CTNNA3: variants seen among roughly 807,000 people sequenced by gnomAD.
CTNNA3 encodes the protein catenin alpha 3.
CTNNA3 carries 76 observed loss-of-function variants against 95.7 expected under a neutral mutation model. The observed-to-expected ratio is 0.79, with a 90% CI of 0.66 to 0.96. CTNNA3 has a LOEUF of 0.96. Among genes scored for constraint, CTNNA3 ranks in the 40% least tolerant of loss-of-function variants. The pLI is 0.00. For missense variants in CTNNA3, 1,191 were observed against 1,089.8 expected, an observed-to-expected ratio of 1.09 and a Z score of -1.31; for synonymous variants, 431 against 374.4, an observed-to-expected ratio of 1.15 and a Z score of -1.74.
chr10:66,303,589 A>T (rs549083670), intron 12 of CTNNA3, among the ~76,000 whole-genome samples: 1 of 152,302 alleles, frequency 6.6e-6, no homozygotes, highest in South Asian at 2.1e-4. Flanking sequence ...TCTTATCTCA[A>T]TATACAAAAA....
At chr10:66,937,064 T>C (rs1486204567) in intron 7 of CTNNA3, among the ~76,000 whole-genome samples, 1 of 152,142 alleles carries the variant, frequency 6.6e-6, no homozygotes, top group East Asian at 1.9e-4. Flanking sequence ...TAATCCATGT[T>C]TCATTCAATA....
intron 16 of CTNNA3, among the ~76,000 whole-genome samples, chr10:65,973,384 C>G (rs1036587217): frequency 6.6e-6 from 1 of 152,052 alleles, no homozygotes; most frequent in Non-Finnish European, 1.5e-5. Flanking sequence ...TGCATAGCAA[C>G]AAACTATCAA....
At chr10:66,026,933 C>A (rs183329744) in intron 15 of CTNNA3, among the ~76,000 whole-genome samples, 51 of 152,110 alleles carry the variant, frequency 3.4e-4, no homozygotes, top group Non-Finnish European at 6.2e-4. Flanking sequence ...ATTAGCATTT[C>A]TAGGGGTTAT....
intron 5 of CTNNA3, among the ~76,000 whole-genome samples, chr10:67,415,093 G>A (rs1327386424): frequency 6.6e-6 from 1 of 152,112 alleles, no homozygotes; most frequent in Non-Finnish European, 1.5e-5. Context: ...TTGAGAACTA[G>A]AACAAGACAA....
At chr10:66,301,775 A>G (rs756631476) in intron 12 of CTNNA3, among the ~76,000 whole-genome samples, 11 of 152,048 alleles carry the variant, frequency 7.2e-5, no homozygotes, top group Non-Finnish European at 1.6e-4. Context: ...CTTAATGGAG[A>G]CAAACTAGAT....
chr10:67,452,948 C>T (rs1035002180), intron 5 of CTNNA3, among the ~76,000 whole-genome samples: 1 of 152,192 alleles, frequency 6.6e-6, no homozygotes, highest in Non-Finnish European at 1.5e-5. Context: ...AACTGGTGAA[C>T]ACAACTTGGC....
At chr10:66,282,579 A>G (rs1328366340) in intron 12 of CTNNA3, among the ~76,000 whole-genome samples, 1 of 151,664 alleles carries the variant, frequency 6.6e-6, no homozygotes, top group Non-Finnish European at 1.5e-5. Flanking sequence ...TCCCAAATCC[A>G]TTGAGAATTT....
At chr10:66,368,274 T>C (rs533371644) in intron 12 of CTNNA3, among the ~76,000 whole-genome samples, 3 of 152,154 alleles carry the variant, frequency 2.0e-5, no homozygotes, top group Admixed American at 1.3e-4. Flanking sequence ...CTCAGTGTTG[T>C]GATAAGAAGT....
chr10:67,072,252 C>A (rs1323453408), intron 7 of CTNNA3, among the ~76,000 whole-genome samples: 4 of 152,180 alleles, frequency 2.6e-5, no homozygotes, highest in African/African-American at 7.2e-5. Flanking sequence ...CCATGCCCAA[C>A]CTGTTTGATT....
chr10:67,228,063 C>T (rs1231349617), intron 5 of CTNNA3, among the ~76,000 whole-genome samples: 1 of 152,070 alleles, frequency 6.6e-6, no homozygotes, highest in African/African-American at 2.4e-5. Flanking sequence ...TAAACACCTA[C>T]ACCAAAAAGA....
At chr10:66,884,826 G>A (rs540153694) in intron 7 of CTNNA3, among the ~76,000 whole-genome samples, 2 of 152,240 alleles carry the variant, frequency 1.3e-5, no homozygotes, top group African/African-American at 2.4e-5. Context: ...ATGCATTAGA[G>A]TTTGGGCAAT....
chr10:66,470,081 A>G (rs1839071501), intron 11 of CTNNA3, among the ~76,000 whole-genome samples: 2 of 151,898 alleles, frequency 1.3e-5, no homozygotes, highest in Admixed American at 1.3e-4. Flanking sequence ...TAATGAATAA[A>G]GTAAGATTTT....
At chr10:67,440,081 T>G (rs185315288) in intron 5 of CTNNA3, among the ~76,000 whole-genome samples, 2 of 151,922 alleles carry the variant, frequency 1.3e-5, no homozygotes, top group African/African-American at 4.8e-5. Flanking sequence ...TTTCTGGACT[T>G]ACCCTGGGCC....
intron 4 of CTNNA3, among the ~76,000 whole-genome samples, chr10:67,523,033 G>T (rs998828012): frequency 1.7e-4 from 26 of 152,106 alleles, no homozygotes. Flanking sequence ...CCAGGGAAAT[G>T]ATTTGACCCT....
intron 6 of CTNNA3, among the ~76,000 whole-genome samples, chr10:67,180,954 T>C (rs1023553180): frequency 1.2e-4 from 18 of 152,184 alleles, no homozygotes; most frequent in African/African-American, 4.3e-4. Flanking sequence ...AATATTTTCA[T>C]GTATCTCATC....
intron 6 of CTNNA3, among the ~76,000 whole-genome samples, chr10:67,209,476 A>T (rs888012663): frequency 1.3e-5 from 2 of 152,210 alleles, no homozygotes; most frequent in Non-Finnish European, 2.9e-5. Context: ...CAGAAGTAAG[A>T]ATGAAGACAC....
At chr10:66,348,722 T>A (rs4463744) in intron 12 of CTNNA3, among the ~76,000 whole-genome samples, 89,694 of 151,898 alleles carry the variant, frequency 0.59, 28,830 homozygotes, top group Non-Finnish European at 0.72. Context: ...AGTCTGTAGG[T>A]TTTACTCTAC....
chr10:67,373,194 G>T (rs1023157557), intron 5 of CTNNA3, among the ~76,000 whole-genome samples: 1 of 152,124 alleles, frequency 6.6e-6, no homozygotes, highest in Non-Finnish European at 1.5e-5. Flanking sequence ...TGGATAAAGA[G>T]TCAAGACCCA....
intron 7 of CTNNA3, among the ~76,000 whole-genome samples, chr10:66,826,596 G>T (rs553617061): frequency 6.6e-6 from 1 of 152,116 alleles, no homozygotes; most frequent in Admixed American, 6.5e-5. Context: ...CCAAAAGTAA[G>T]CTCCAAACAA....
Sources: gnomAD v4.1 joint callset for allele counts (sites outside exome capture counted in the v4.1 genomes callset) on GRCh38, gnomAD v4.1.1 for gene constraint, MANE v1.5 for transcripts, NCBI Gene and HGNC (gene_info 2026-07-23, HGNC 2026-07-21) for gene names.